The following BEND2 variants were observed in gnomAD, a reference collection of about 807,000 sequenced individuals.
The protein encoded by BEND2 is BEN domain containing 2, also known as BEN domain-containing protein 2.
Under a neutral mutation model 43.8 loss-of-function variants are expected in BEND2, and 19 were observed. That is an observed-to-expected ratio of 0.43 (90% CI 0.30 to 0.64). BEND2 has a LOEUF of 0.64. Among genes scored for constraint, BEND2 ranks in the 30% least tolerant of loss-of-function variants. The pLI is 0.11. For missense variants in BEND2, 544 were observed against 574.0 expected (o/e 0.95, Z 0.53); for synonymous variants, 226 against 210.1 (o/e 1.08, Z -0.66).
In BEND2 at chrX:18,164,181, C is replaced by T. The variant is rs759819501; in HGVS notation, c.*828G>A. ...GGGACTACAGGTGCTTGCCACCATGCCTGGCTACTTTTTTTGTATTTTTAG... is the reference window on the plus strand; with the variant it reads ...GGGACTACAGGTGCTTGCCACCATGTCTGGCTACTTTTTTTGTATTTTTAG... On this transcript the variant is annotated 3_prime_UTR_variant, in exon 14 of 14. Coordinates refer to ENST00000380033, the MANE Select transcript of BEND2 (RefSeq NM_153346.5). 8 of 110,566 alleles carry T rather than the reference C, an allele frequency of 7.2e-5. No homozygotes were observed. The highest frequency in any genetic ancestry group is 2.6e-4 in the African/African-American group (8 of 30,447). The allele number at this position is 110,566 out of a possible 1,213,427, so 9.1% of individuals were successfully genotyped here.
chrX:18,183,944 G>A (rs1269955291), intron 8 of BEND2, among the ~76,000 whole-genome samples: 1 of 111,829 alleles, frequency 8.9e-6, no homozygotes, highest in Admixed American at 9.5e-5. Flanking sequence ...TCACCACCCT[G>A]AAGGGAAGGA....
chrX:18,177,597 G>C lies in BEND2; in HGVS notation c.1602C>G (p.Leu534=). 1 of 1,210,828 alleles carries C rather than the reference G, an allele frequency of 8.3e-7. No homozygotes were observed. Among genetic ancestry groups the C allele is most frequent in the Non-Finnish European group, 1.1e-6 (1 of 894,994 alleles). Residue 534 remains leucine, a synonymous_variant, in exon 10 of 14, where the codon CTC becomes CTG. Transcript: ENST00000380033. ...TCAATGCAGCCATTTTGTTCGGGTC[G>C]AGGGATTGGCTGTCTTTCAAATGGA... The part of the protein sequence containing the change: ...VDIHLKDSQS[L]DPNKMAALRE...
intron 1 of BEND2, 122 bp downstream of exon 1, chrX:18,220,604 G>C: frequency 9.9e-7 from 1 of 1,011,685 alleles, no homozygotes; most frequent in South Asian, 2.0e-5. Context: ...CCCCCGACAC[G>C]CCCCGGTCAA....
chrX:18,204,950 C>T (rs1349105441), intron 4 of BEND2, among the ~76,000 whole-genome samples: 1 of 111,844 alleles, frequency 8.9e-6, no homozygotes, highest in East Asian at 2.8e-4. Context: ...TATATACAGA[C>T]AGTGAGTGTT....
chrX:18,198,645 G>A (rs974619455), intron 6 of BEND2, among the ~76,000 whole-genome samples: 62 of 111,268 alleles, frequency 5.6e-4, no homozygotes, highest in African/African-American at 1.9e-3. Context: ...TCAGGGTGGC[G>A]ATTCCTCAGG....
chrX:18,205,894 A>G (rs1925318984), intron 4 of BEND2, among the ~76,000 whole-genome samples: 1 of 111,122 alleles, frequency 9.0e-6, no homozygotes, highest in Admixed American at 9.6e-5. Flanking sequence ...GCTCCCAGTG[A>G]GAACCACTGG....
At chrX:18,214,863 T>C (rs993001892) in intron 2 of BEND2, among the ~76,000 whole-genome samples, 1 of 92,591 alleles carries the variant, frequency 1.1e-5, no homozygotes, top group Non-Finnish European at 2.2e-5. Context: ...ACCTAAAAAA[T>C]TCAGCTCATT....
chrX:18,175,898 T>A, intron 11 of BEND2, 74 bp downstream of exon 11: 1 of 956,638 alleles, frequency 1.0e-6, no homozygotes, highest in Non-Finnish European at 1.4e-6. Flanking sequence ...CTGTGCCTCA[T>A]GCTATCAGTT....
At chrX:18,198,642 G>A (rs1164305832) in intron 6 of BEND2, among the ~76,000 whole-genome samples, 3 of 111,338 alleles carry the variant, frequency 2.7e-5, no homozygotes, top group African/African-American at 9.8e-5. Flanking sequence ...AAGTCAGGGT[G>A]GCGATTCCTC....
intron 10 of BEND2, among the ~76,000 whole-genome samples, chrX:18,176,333 C>G (rs1367168037): frequency 3.2e-5 from 3 of 94,176 alleles, no homozygotes; most frequent in Non-Finnish European, 6.2e-5. Flanking sequence ...CCCTAAAACA[C>G]TGACGTAGGA....
intron 9 of BEND2, among the ~76,000 whole-genome samples, chrX:18,179,232 C>T (rs1022111345): frequency 5.0e-4 from 44 of 87,494 alleles, no homozygotes; most frequent in African/African-American, 2.0e-3. Context: ...GATCATGGCT[C>T]ACTATAGCCT....
intron 13 of BEND2, among the ~76,000 whole-genome samples, chrX:18,167,871 G>A (rs926474446): frequency 4.7e-4 from 53 of 112,414 alleles, no homozygotes; most frequent in African/African-American, 1.6e-3. Context: ...CGACCTGACC[G>A]TAAATGTTTA....
Position 18,177,474 on chromosome X carries a change from G to A in BEND2, c.1630+95C>T, listed in dbSNP as rs1159785771. On this transcript the variant is annotated intron_variant, in intron 10 of 13. Transcript: ENST00000380033. ...AATGAATAGTTTTAAGATTTACACA[G>A]ACTTATTGTTATTCCTTCAACTGCC... is the stretch of plus-strand genomic sequence containing the variant. 3.3e-6 allele frequency: 3 copies of A among 915,687 alleles called. No individual in the cohort carries two copies. In the South Asian group the frequency reaches 6.5e-5, roughly 20 times the overall value. The allele number at this position is 915,687 out of a possible 1,213,427, so 75.5% of individuals were successfully genotyped here.
intron 1 of BEND2, among the ~76,000 whole-genome samples, chrX:18,218,637 C>T (rs1002005896): frequency 1.8e-5 from 2 of 112,302 alleles, no homozygotes; most frequent in East Asian, 2.8e-4. Flanking sequence ...CCGAGGCGGG[C>T]GGATCACTTG....
intron 7 of BEND2, among the ~76,000 whole-genome samples, chrX:18,193,173 C>T (rs989531217): frequency 9.1e-6 from 1 of 109,791 alleles, no homozygotes; most frequent in Admixed American, 9.8e-5. Flanking sequence ...CAAAAATTAG[C>T]TCGGCGTGGT....
At position 18,174,271 on chromosome X, in the gene BEND2, A is replaced by G. The variant is rs371214776; in HGVS notation, c.1753-13T>C. ...TGCGAACAGTTTTCTGTTGAAACAC[A>G]AAATCATATCCGTAAACAAAGTCCC... On this transcript the variant is annotated splice_polypyrimidine_tract_variant and intron_variant, in intron 11 of 13. Coordinates refer to ENST00000380033, the MANE Select transcript of BEND2 (RefSeq NM_153346.5). 147 of 1,188,829 alleles carry G rather than the reference A, an allele frequency of 1.2e-4. No homozygotes were observed. The highest frequency in any genetic ancestry group is 1.6e-4 in the Non-Finnish European group (139 of 876,216).
chrX:18,193,322 G>A (rs1602042377), intron 7 of BEND2, among the ~76,000 whole-genome samples: 1 of 85,139 alleles, frequency 1.2e-5, no homozygotes, highest in African/African-American at 4.3e-5. Context: ...TTGAGACTCT[G>A]TCTCACAAAA....
chrX:18,214,837 A>G (rs747095638), intron 2 of BEND2, among the ~76,000 whole-genome samples: 139 of 91,177 alleles, frequency 1.5e-3, no homozygotes, highest in African/African-American at 5.6e-3. Context: ...AAAAAAAAAG[A>G]AAGAAAAAAA....
At position 18,171,191 on chromosome X, in the gene BEND2, T is replaced by C; in HGVS notation, c.1995A>G (p.Arg665=). The C allele has an allele frequency of 8.3e-7, 1 of 1,204,932 alleles. No homozygotes were observed. The highest frequency in any genetic ancestry group is 1.1e-6 in the Non-Finnish European group (1 of 889,478). The change falls in exon 13 of 14, where the codon AGA becomes AGG. Residue 665 remains arginine (R), a synonymous_variant. Transcript: ENST00000380033. ...ATGGCATCCGTATATTTCTCCATGG[T>C]CTTCCAAAATAGCCTAGAAGCAAAA... ...EPGEAWSYFG[R]PWRNIRMPCS...
Sources: gnomAD v4.1 joint callset for allele counts (sites outside exome capture counted in the v4.1 genomes callset) on GRCh38, gnomAD v4.1.1 for gene constraint, MANE v1.5 for transcripts, NCBI Gene and HGNC (gene_info 2026-07-23, HGNC 2026-07-21) for gene names.